The following YWHAE variants were observed in gnomAD, a reference collection of about 807,000 sequenced individuals.
YWHAE encodes tyrosine 3-monooxygenase/tryptophan 5-monooxygenase activation protein epsilon.
In YWHAE, 4 loss-of-function variants were observed where a neutral mutation model predicts 30.1. The observed-to-expected ratio is 0.13, with a 90% CI of 0.07 to 0.30. YWHAE has a LOEUF of 0.30. YWHAE is among the 10% of genes least tolerant of loss of function. YWHAE has a pLI of 1.00. For synonymous variants in YWHAE, 118 were observed against 111.8 expected (o/e 1.06, Z -0.35); for missense variants, 121 against 315.9 (o/e 0.38, Z 4.68).
chr17:1,395,058 T>C (rs939436748), intron 1 of YWHAE, among the ~76,000 whole-genome samples: 1 of 151,848 alleles, frequency 6.6e-6, no homozygotes, highest in Admixed American at 6.6e-5. Flanking sequence ...AGAAAAAATA[T>C]GCCTGCAGTA....
At chr17:1,367,752 C>T (rs145069255) in intron 1 of YWHAE, among the ~76,000 whole-genome samples, 252 of 152,114 alleles carry the variant, frequency 1.7e-3, no homozygotes, top group African/African-American at 6.0e-3. Context: ...TGAAAAGAGT[C>T]AGATTAAAAG....
chr17:1,357,552 C>A (rs1005592227), intron 4 of YWHAE, among the ~76,000 whole-genome samples: 17 of 151,882 alleles, frequency 1.1e-4, no homozygotes, highest in Non-Finnish European at 2.4e-4. Flanking sequence ...TGTACTCCAG[C>A]CACAGCAGCA....
intron 1 of YWHAE, among the ~76,000 whole-genome samples, chr17:1,376,840 A>C (rs146052725): frequency 1.3e-5 from 2 of 152,316 alleles, no homozygotes; most frequent in Non-Finnish European, 2.9e-5. Flanking sequence ...AACTGTTCAG[A>C]ATCTGCCATG....
chr17:1,373,956 C>G (rs1052021035), intron 1 of YWHAE, among the ~76,000 whole-genome samples: 4 of 152,146 alleles, frequency 2.6e-5, no homozygotes, highest in African/African-American at 9.7e-5. Context: ...AGCATGGTCT[C>G]AAGTTTCATG....
intron 1 of YWHAE, among the ~76,000 whole-genome samples, chr17:1,393,720 G>C (rs762570171): frequency 6.6e-6 from 1 of 152,158 alleles, no homozygotes; most frequent in Non-Finnish European, 1.5e-5. Flanking sequence ...TGTTTGAGCC[G>C]CGGAACCCGG....
chr17:1,355,010 A>G (rs1440693610), intron 4 of YWHAE, among the ~76,000 whole-genome samples: 1 of 76,144 alleles, frequency 1.3e-5, no homozygotes, highest in Non-Finnish European at 2.5e-5. Flanking sequence ...GGGATTCGTT[A>G]TGTTGCCCAG....
At chr17:1,387,531 C>A (rs549824828) in intron 1 of YWHAE, among the ~76,000 whole-genome samples, 2 of 151,828 alleles carry the variant, frequency 1.3e-5, no homozygotes, top group Non-Finnish European at 2.9e-5. Flanking sequence ...GGGTCCAATT[C>A]GGTTTAGTAG....
chr17:1,349,677 T>G (rs1260178191), intron 5 of YWHAE, among the ~76,000 whole-genome samples: 2 of 151,210 alleles, frequency 1.3e-5, no homozygotes, highest in African/African-American at 4.9e-5. Context: ...GCAGTGGTGC[T>G]ATCTCGGCTC....
intron 1 of YWHAE, among the ~76,000 whole-genome samples, chr17:1,394,445 A>AAAAAAAAAAAAAACAAAAAAC (rs2073434787): frequency 7.0e-6 from 1 of 142,504 alleles, no homozygotes; most frequent in African/African-American, 2.9e-5. Flanking sequence ...ACAAAAAAAA[A>AAAAAAAAAAAAAACAAAAAAC]AAAAAAAAAA....
chr17:1,393,080 C>T (rs1188084371), intron 1 of YWHAE, among the ~76,000 whole-genome samples: 1 of 151,260 alleles, frequency 6.6e-6, no homozygotes, highest in Non-Finnish European at 1.5e-5. Flanking sequence ...GTGGATCGCG[C>T]CACTGTACTC....
chr17:1,359,282 T>C (rs916253850), intron 4 of YWHAE, among the ~76,000 whole-genome samples: 1 of 152,102 alleles, frequency 6.6e-6, no homozygotes, highest in African/African-American at 2.4e-5. Flanking sequence ...AGTGCACAAC[T>C]GCAGAGACAG....
intron 1 of YWHAE, among the ~76,000 whole-genome samples, chr17:1,371,186 G>A (rs915876132): frequency 1.3e-5 from 2 of 151,422 alleles, no homozygotes; most frequent in East Asian, 2.0e-4. Flanking sequence ...CAGCTCAAGC[G>A]ATCCTCCAAC....
chr17:1,398,018 T>C (rs1312619571), intron 1 of YWHAE, among the ~76,000 whole-genome samples: 1 of 152,230 alleles, frequency 6.6e-6, no homozygotes, highest in Non-Finnish European at 1.5e-5. Flanking sequence ...ATCACTAACC[T>C]GTACTTTATT....
chr17:1,398,179 G>A (rs1334524031), intron 1 of YWHAE, among the ~76,000 whole-genome samples: 2 of 152,150 alleles, frequency 1.3e-5, no homozygotes, highest in African/African-American at 4.8e-5. Flanking sequence ...AGTACAATTT[G>A]TTTCCTCCCA....
At chr17:1,375,400 C>A (rs754765855) in intron 1 of YWHAE, among the ~76,000 whole-genome samples, 9 of 152,132 alleles carry the variant, frequency 5.9e-5, no homozygotes, top group Non-Finnish European at 1.0e-4. Context: ...CTGAAATCAC[C>A]TTTGCGGCAA....
intron 5 of YWHAE, among the ~76,000 whole-genome samples, chr17:1,351,091 T>C (rs2072624117): frequency 6.6e-6 from 1 of 151,522 alleles, no homozygotes; most frequent in Admixed American, 6.6e-5. Flanking sequence ...CCAGGCGCGG[T>C]GGCTCACACC....
At chr17:1,396,810 C>T (rs190910579) in intron 1 of YWHAE, among the ~76,000 whole-genome samples, 58 of 152,022 alleles carry the variant, frequency 3.8e-4, no homozygotes, top group Non-Finnish European at 6.8e-4. Context: ...TTACTACAGA[C>T]GGGGTTTCTC....
chr17:1,357,264 G>A (rs1188317504), intron 4 of YWHAE, among the ~76,000 whole-genome samples: 5 of 152,056 alleles, frequency 3.3e-5, no homozygotes, highest in Admixed American at 6.6e-5. Context: ...TTAGCCGGGC[G>A]TGGTGGCGGG....
chr17:1,383,349 T>A (rs2073246377), intron 1 of YWHAE, among the ~76,000 whole-genome samples: 1 of 150,666 alleles, frequency 6.6e-6, no homozygotes, highest in Non-Finnish European at 1.5e-5. Context: ...AAACTCCGTT[T>A]AAAAAAAGAA....
Sources: gnomAD v4.1 joint callset for allele counts (sites outside exome capture counted in the v4.1 genomes callset) on GRCh38, gnomAD v4.1.1 for gene constraint, MANE v1.5 for transcripts, NCBI Gene and HGNC (gene_info 2026-07-23, HGNC 2026-07-21) for gene names.